CFAP44: variants seen among roughly 807,000 people sequenced by gnomAD.
The protein encoded by CFAP44 is cilia- and flagella-associated protein 44.
CFAP44 carries 134 observed loss-of-function variants against 216.2 expected under a neutral mutation model. That is an observed-to-expected ratio of 0.62 (90% CI 0.54 to 0.72). The LOEUF (loss-of-function observed/expected upper bound fraction) is 0.72, where lower values mean the gene tolerates loss of function less well. CFAP44 is among the 30% of genes least tolerant of loss of function. The pLI is 0.00. For missense variants in CFAP44, 2,035 were observed against 2,182.1 expected (o/e 0.93, Z 1.34); for synonymous variants, 700 against 727.6 (o/e 0.96, Z 0.61).
At chr3:113,364,772 T>G (rs977735633) in intron 19 of CFAP44, among the ~76,000 whole-genome samples, 4 of 152,168 alleles carry the variant, frequency 2.6e-5, no homozygotes, top group African/African-American at 7.2e-5. Flanking sequence ...TATACAATAC[T>G]GAAGACTGGG....
At chr3:113,425,517 T>C (rs1242944124) in intron 4 of CFAP44, among the ~76,000 whole-genome samples, 1 of 152,252 alleles carries the variant, frequency 6.6e-6, no homozygotes, top group Admixed American at 6.5e-5. Flanking sequence ...TTGTGCCCTG[T>C]TTCCTAAGAA....
At position 113,327,640 on chromosome 3, in the gene CFAP44, T is replaced by C; in HGVS notation, c.4296A>G (p.Leu1432=). 2.0e-6 allele frequency: 3 copies of C among 1,536,958 alleles called. No homozygotes were observed. Among genetic ancestry groups the C allele is most frequent in the Non-Finnish European group, 2.6e-6 (3 of 1,146,622 alleles). ...ENILQERVNS[L]DKEEQYMQWK... ...CTTGCATGTACTGTTCCTCTTTGTC[T>C]AAGGAATTAACACGTTCTTGAAGTA... The change falls in exon 27 of 35, where the codon TTA becomes TTG. Residue 1432 remains leucine (L), a synonymous_variant. Coordinates refer to ENST00000393845, the MANE Select transcript of CFAP44 (RefSeq NM_001164496.2).
At chr3:113,351,428 C>G (rs1393737602) in intron 22 of CFAP44, among the ~76,000 whole-genome samples, 1 of 152,192 alleles carries the variant, frequency 6.6e-6, no homozygotes, top group Non-Finnish European at 1.5e-5. Context: ...GCCAGTTTAT[C>G]TACTTCATTA....
chr3:113,353,084 A>T (rs1329728795), intron 22 of CFAP44, among the ~76,000 whole-genome samples: 2 of 152,160 alleles, frequency 1.3e-5, no homozygotes, highest in Admixed American at 1.3e-4. Flanking sequence ...TCAAAGGAGG[A>T]TGGGCAAGTG....
At chr3:113,365,999 TAC>T (rs774251084) in intron 19 of CFAP44, 38 bp downstream of exon 19, 3 of 1,548,850 alleles carry the variant, frequency 1.9e-6, no homozygotes, top group South Asian at 1.2e-5. Flanking sequence ...TATTTTTAAA[TAC>T]AGTTTGTTAT....
In CFAP44 at chr3:113,379,408, C is replaced by T. The variant is rs1933444561; in HGVS notation, c.2196G>A (p.Glu732=). 1.2e-6 allele frequency: 2 copies of T among 1,609,746 alleles called. No individual in the cohort carries two copies. Among genetic ancestry groups the T allele is most frequent in the Admixed American group, 1.7e-5 (1 of 59,856 alleles). The change falls in exon 17 of 35, where the codon GAG becomes GAA. Residue 732 remains glutamate (E), a synonymous_variant. Transcript: ENST00000393845. The part of the protein sequence containing the change: ...FQEEEEEKEE[E]EEEEEPLPEI... The stretch of plus-strand genomic sequence containing the variant: ...CAGGTAATGGCTCTTCTTCCTCCTC[C>T]TCCTCCTCTTTCTCCTCTTCCTCCT...
At chr3:113,365,407 G>A (rs930187681) in intron 19 of CFAP44, among the ~76,000 whole-genome samples, 1 of 152,148 alleles carries the variant, frequency 6.6e-6, no homozygotes, top group Non-Finnish European at 1.5e-5. Context: ...CTCCTTAGGA[G>A]CAATTCTAAT....
intron 28 of CFAP44, among the ~76,000 whole-genome samples, chr3:113,325,874 G>GT (rs1487156949): frequency 2.6e-5 from 4 of 152,190 alleles, no homozygotes; most frequent in Admixed American, 2.6e-4. Flanking sequence ...ATAGATCAAT[G>GT]TAACAGAACC....
chr3:113,366,881 T>C (rs1222162352), intron 18 of CFAP44, among the ~76,000 whole-genome samples: 1 of 152,228 alleles, frequency 6.6e-6, no homozygotes, highest in Non-Finnish European at 1.5e-5. Context: ...TTCAAAAGTC[T>C]TAGCAACTGG....
intron 22 of CFAP44, among the ~76,000 whole-genome samples, chr3:113,347,736 G>A (rs1950399992): frequency 6.6e-6 from 1 of 152,144 alleles, no homozygotes; most frequent in Non-Finnish European, 1.5e-5. Context: ...CTATTCAAGT[G>A]AGGACAAAAG....
chr3:113,395,469 A>G (rs537671933), intron 15 of CFAP44, among the ~76,000 whole-genome samples: 1 of 152,218 alleles, frequency 6.6e-6, no homozygotes, highest in East Asian at 1.9e-4. Flanking sequence ...GTCCCGTTGG[A>G]GCAAAGCCTG....
chr3:113,393,903 T>TGA (rs1342280859), intron 15 of CFAP44, among the ~76,000 whole-genome samples: 2 of 152,154 alleles, frequency 1.3e-5, no homozygotes, highest in African/African-American at 4.8e-5. Flanking sequence ...TACAAGCCCG[T>TGA]GAGGCCCTCA....
intron 22 of CFAP44, among the ~76,000 whole-genome samples, chr3:113,356,894 T>C (rs1315954021): frequency 2.6e-5 from 4 of 152,052 alleles, no homozygotes; most frequent in Non-Finnish European, 5.9e-5. Context: ...ATTTTATATG[T>C]GTAAACACAC....
At chr3:113,390,467 A>G (rs1464428263) in intron 15 of CFAP44, among the ~76,000 whole-genome samples, 1 of 152,174 alleles carries the variant, frequency 6.6e-6, no homozygotes, top group Admixed American at 6.5e-5. Context: ...TACTGCTGTT[A>G]TTCAACATAG....
chr3:113,347,684 C>A (rs1023604818), intron 22 of CFAP44, among the ~76,000 whole-genome samples: 1 of 152,180 alleles, frequency 6.6e-6, no homozygotes, highest in African/African-American at 2.4e-5. Flanking sequence ...AAAAGCTATT[C>A]CTGAAGCTAG....
At chr3:113,333,648 T>C in intron 24 of CFAP44, 65 bp from the exon 25 acceptor site, 1 of 1,388,292 alleles carries the variant, frequency 7.2e-7, no homozygotes, top group Non-Finnish European at 9.4e-7. Context: ...TTGTCTACTT[T>C]AATATAGGCA....
chr3:113,361,294 A>G (rs1202997692), intron 21 of CFAP44: 1 of 220,164 alleles, frequency 4.5e-6, no homozygotes, highest in Non-Finnish European at 9.9e-6. Flanking sequence ...CAGAGGGTGA[A>G]TATTCAGCCT....
intron 15 of CFAP44, among the ~76,000 whole-genome samples, chr3:113,391,177 A>C (rs769945724): frequency 2.3e-4 from 35 of 152,180 alleles, no homozygotes; most frequent in Non-Finnish European, 2.9e-4. Context: ...ACAGAATGCA[A>C]AAACAAATCC....
Position 113,358,710 on chromosome 3 carries a change from C to G in CFAP44, c.3065+35G>C, listed in dbSNP as rs990602331. The G allele has an allele frequency of 8.5e-6, 13 of 1,534,668 alleles. No individual in the cohort carries two copies. In the East Asian group the frequency reaches 3.2e-4, roughly 38 times the overall value. Reference sequence around the variant, plus strand: ...ACTATGTTATTCACACATGTGCTCTCAAACATCTTAGCTTGTAGAGAATAT... The same window carrying G: ...ACTATGTTATTCACACATGTGCTCTGAAACATCTTAGCTTGTAGAGAATAT... On this transcript the variant is annotated intron_variant, in intron 22 of 34. Transcript: ENST00000393845.
Sources: gnomAD v4.1 joint callset for allele counts (sites outside exome capture counted in the v4.1 genomes callset) on GRCh38, gnomAD v4.1.1 for gene constraint, MANE v1.5 for transcripts, NCBI Gene and HGNC (gene_info 2026-07-23, HGNC 2026-07-21) for gene names.